Variants in CLSTN2 observed in about 807,000 individuals in gnomAD.
CLSTN2 encodes the protein calsyntenin-2.
A neutral mutation model predicts 101.2 loss-of-function variants in CLSTN2; 48 were observed. The observed-to-expected ratio is 0.47, with a 90% confidence interval of 0.38 to 0.60. The LOEUF is 0.60. Among genes scored for constraint, CLSTN2 ranks in the 20% least tolerant of loss-of-function variants. The probability of loss-of-function intolerance (pLI) is 0.00; values close to 1 mark genes in which losing one functional copy is unlikely to be tolerated. For missense variants in CLSTN2, 1,160 were observed against 1,238.2 expected, an observed-to-expected ratio of 0.94 and a Z score of 0.95; for synonymous variants, 481 against 463.6, an observed-to-expected ratio of 1.04 and a Z score of -0.48.
chr3:140,339,048 T>C (rs551318118), intron 2 of CLSTN2, among the ~76,000 whole-genome samples: 2 of 152,332 alleles, frequency 1.3e-5, no homozygotes, highest in Admixed American at 1.3e-4. Context: ...TGGGTGAAGC[T>C]GCCGTGTGCT....
At chr3:140,059,829 G>T (rs569590385) in intron 1 of CLSTN2, among the ~76,000 whole-genome samples, 4 of 152,022 alleles carry the variant, frequency 2.6e-5, no homozygotes. Context: ...AAATGTCCAG[G>T]GAAAATATTT....
intron 2 of CLSTN2, among the ~76,000 whole-genome samples, chr3:140,310,711 T>C (rs909870300): frequency 6.6e-6 from 1 of 152,188 alleles, no homozygotes; most frequent in African/African-American, 2.4e-5. Context: ...CTCTACTTCA[T>C]TGCATTCTAT....
intron 4 of CLSTN2, among the ~76,000 whole-genome samples, chr3:140,418,204 C>G (rs546896861): frequency 1.3e-5 from 2 of 152,150 alleles, no homozygotes; most frequent in South Asian, 4.2e-4. Context: ...TTCCACCTGA[C>G]AGAATTCCTC....
intron 2 of CLSTN2, among the ~76,000 whole-genome samples, chr3:140,234,174 C>G (rs2086396083): frequency 6.6e-6 from 1 of 152,192 alleles, no homozygotes; most frequent in Admixed American, 6.5e-5. Flanking sequence ...ATTTCCATGG[C>G]TGAAAGGCAT....
intron 8 of CLSTN2, chr3:140,505,649 C>T (rs1446505132): frequency 6.6e-6 from 1 of 152,172 alleles, no homozygotes; most frequent in Non-Finnish European, 1.5e-5. Context: ...TATTTACCAT[C>T]ACTGAGATAT....
intron 1 of CLSTN2, among the ~76,000 whole-genome samples, chr3:139,972,642 C>T (rs1271001148): frequency 3.9e-5 from 6 of 152,200 alleles, no homozygotes; most frequent in African/African-American, 1.4e-4. Context: ...AGCAGAAGGC[C>T]TAGTCCATTG....
chr3:140,095,346 C>T (rs1399603776), intron 1 of CLSTN2, among the ~76,000 whole-genome samples: 1 of 152,116 alleles, frequency 6.6e-6, no homozygotes, highest in African/African-American at 2.4e-5. Flanking sequence ...TGGGTATGGC[C>T]CTCCTTTATT....
intron 9 of CLSTN2, among the ~76,000 whole-genome samples, chr3:140,539,707 CACTT>C (rs1935434443): frequency 6.6e-6 from 1 of 152,184 alleles, no homozygotes; most frequent in Non-Finnish European, 1.5e-5. Context: ...CATGTGTTCT[CACTT>C]AGTCCTCACA....
Position 140,572,806 on chromosome 3 carries a change from C to T in CLSTN2, c.*6553C>T, listed in dbSNP as rs1464873750. On this transcript the variant is annotated 3_prime_UTR_variant, in exon 17 of 17. Coordinates refer to ENST00000458420, the MANE Select transcript of CLSTN2 (RefSeq NM_022131.3). Reference sequence around the variant, plus strand: ...TGACTTGAGCTGGCATCGGGAAGAACTGACTATTAACTAACAAGGTAAAAT... The same window carrying T: ...TGACTTGAGCTGGCATCGGGAAGAATTGACTATTAACTAACAAGGTAAAAT... 1 of 152,306 alleles carries T rather than the reference C, an allele frequency of 6.6e-6. No individual in the cohort carries two copies. The highest frequency in any genetic ancestry group is 1.5e-5 in the Non-Finnish European group (1 of 68,124). The allele number at this position is 152,306 out of a possible 1,614,324, so 9.4% of individuals were successfully genotyped here. A position where few individuals can be genotyped will look rare whatever the true frequency, so the allele number is the denominator to read the frequency against.
chr3:140,480,716 A>C (rs1270763198), intron 8 of CLSTN2, among the ~76,000 whole-genome samples: 1 of 152,054 alleles, frequency 6.6e-6, no homozygotes, highest in Non-Finnish European at 1.5e-5. Flanking sequence ...GCATTTTTTC[A>C]TCTGTCTTTT....
chr3:140,227,110 G>T (rs924447771), intron 2 of CLSTN2, among the ~76,000 whole-genome samples: 7 of 152,128 alleles, frequency 4.6e-5, no homozygotes, highest in Non-Finnish European at 1.0e-4. Context: ...ACTCATTTCA[G>T]CGTTAACTCA....
chr3:140,275,853 T>C (rs1464126788), intron 2 of CLSTN2, among the ~76,000 whole-genome samples: 3 of 152,144 alleles, frequency 2.0e-5, no homozygotes, highest in African/African-American at 7.2e-5. Context: ...GAGGTCAATG[T>C]GGACTGTGAT....
intron 10 of CLSTN2, among the ~76,000 whole-genome samples, chr3:140,548,774 A>G (rs888512367): frequency 1.3e-5 from 2 of 152,164 alleles, no homozygotes; most frequent in Non-Finnish European, 2.9e-5. Flanking sequence ...CCTATTAACC[A>G]TGTTTAGGTG....
At chr3:140,371,474 C>T (rs1405861400) in intron 2 of CLSTN2, among the ~76,000 whole-genome samples, 1 of 152,148 alleles carries the variant, frequency 6.6e-6, no homozygotes, top group African/African-American at 2.4e-5. Context: ...CCTGACCTTC[C>T]TCAGGGCTGG....
intron 2 of CLSTN2, among the ~76,000 whole-genome samples, chr3:140,286,155 A>G (rs940957912): frequency 7.2e-5 from 11 of 152,102 alleles, no homozygotes; most frequent in African/African-American, 2.4e-4. Flanking sequence ...TGCCCCCGGT[A>G]AAGGAAGCAA....
At chr3:140,454,037 C>T (rs372383805) in intron 6 of CLSTN2, among the ~76,000 whole-genome samples, 2 of 152,140 alleles carry the variant, frequency 1.3e-5, no homozygotes, top group Non-Finnish European at 2.9e-5. Context: ...TGCCTCCATT[C>T]GCAGAGAGAT....
At chr3:140,336,266 T>C (rs1182972023) in intron 2 of CLSTN2, among the ~76,000 whole-genome samples, 1 of 152,246 alleles carries the variant, frequency 6.6e-6, no homozygotes, top group Non-Finnish European at 1.5e-5. Flanking sequence ...AGTAGCCATA[T>C]AGAACTGATA....
chr3:140,183,072 T>C (rs2010433270), intron 2 of CLSTN2, among the ~76,000 whole-genome samples: 1 of 152,142 alleles, frequency 6.6e-6, no homozygotes, highest in South Asian at 2.1e-4. Context: ...ATGGGTTTCA[T>C]GGTCTGATTG....
At chr3:140,337,542 G>A (rs1384415635) in intron 2 of CLSTN2, among the ~76,000 whole-genome samples, 1 of 152,164 alleles carries the variant, frequency 6.6e-6, no homozygotes, top group East Asian at 1.9e-4. Flanking sequence ...TACATTCACA[G>A]GTACCAGGGA....
Sources: allele counts gnomAD v4.1 joint callset (sites outside exome capture counted in the v4.1 genomes callset), GRCh38; gene constraint gnomAD v4.1.1; transcripts MANE v1.5; gene names NCBI Gene and HGNC (gene_info 2026-07-23, HGNC 2026-07-21).